Variants in WNT6 observed in about 807,000 individuals in gnomAD.
WNT6 encodes protein Wnt-6.
Under a neutral mutation model 33.1 loss-of-function variants are expected in WNT6, and 27 were observed. The observed-to-expected ratio is 0.82, with a 90% CI of 0.60 to 1.12. WNT6 has a LOEUF of 1.12. Ranked by LOEUF, WNT6 falls within the 50% of genes most tolerant of loss-of-function variation. The probability of loss-of-function intolerance (pLI) is 0.00; values close to 1 mark genes in which losing one functional copy is unlikely to be tolerated. For missense variants in WNT6, 494 were observed against 535.3 expected (o/e 0.92, Z 0.76); for synonymous variants, 249 against 242.8 (o/e 1.03, Z -0.24).
chr2:218,871,383 G>A lies in WNT6; in HGVS notation c.302-102G>A. The A allele has an allele frequency of 6.7e-7, 1 of 1,487,698 alleles. No individual in the cohort carries two copies. Among genetic ancestry groups the A allele is most frequent in the South Asian group, 1.3e-5 (1 of 79,790 alleles). The allele number at this position is 1,487,698 out of a possible 1,614,324, so 92.2% of individuals were successfully genotyped here. ...TGTCTGGGCACCCTGCAAGGACCCT[G>A]CCTCCCAGGCCCCTGGGGCAGCCCT... is the stretch of plus-strand genomic sequence containing the variant. On this transcript the variant is annotated intron_variant, in intron 2 of 3. Transcript: ENST00000233948. The surrounding 1 kb of genome is among the most constrained non-coding windows in gnomAD (Gnocchi z 6.4).
chr2:218,860,117 G>T lies in WNT6; in HGVS notation c.80G>T (p.Trp27Leu), dbSNP rs1209872593. Residue 27 changes from tryptophan (W) to leucine (L), a missense_variant and splice_region_variant, in exon 1 of 4, where the codon TGG becomes TTG. By Grantham distance (61) the Trp-to-Leu change is moderately conservative (BLOSUM62 -2). Transcript: ENST00000233948. ...CCGGCGCACGTCGGCGGACTGTGGT[G>T]GTGAGTCCGGCTGTCCTGGCGCGGC... The part of the protein sequence containing the change: ...LCPAHVGGLW[W>L]AVGSPLVMDP... 6.6e-7 allele frequency: 1 copy of T among 1,522,074 alleles called. No individual in the cohort carries two copies. The highest frequency in any genetic ancestry group is 8.8e-7 in the Non-Finnish European group (1 of 1,139,068). 94.3% of individuals were successfully genotyped at this position (1,522,074 alleles called of 1,614,324 possible).
intron 1 of WNT6, among the ~76,000 whole-genome samples, chr2:218,870,135 C>T (rs564428519): frequency 1.3e-5 from 2 of 151,742 alleles, no homozygotes; most frequent in South Asian, 4.2e-4. Context: ...GCATGAGAAT[C>T]GCTTGAACCT....
intron 1 of WNT6, among the ~76,000 whole-genome samples, chr2:218,866,424 T>A (rs958924490): frequency 6.6e-6 from 1 of 152,056 alleles, no homozygotes; most frequent in South Asian, 2.1e-4. Context: ...GACACAGGGA[T>A]CCAGGCTGAG....
chr2:218,870,246 G>A (rs1452120339), intron 1 of WNT6, among the ~76,000 whole-genome samples: 2 of 149,242 alleles, frequency 1.3e-5, no homozygotes, highest in Non-Finnish European at 3.0e-5. Context: ...AAAAAAGAAC[G>A]AAAACCACAG....
chr2:218,866,039 C>T (rs1304359779), intron 1 of WNT6, among the ~76,000 whole-genome samples: 2 of 151,572 alleles, frequency 1.3e-5, no homozygotes, highest in African/African-American at 2.4e-5. Context: ...CAGTAATTAC[C>T]GAGTTAGACA....
chr2:218,862,227 T>C (rs910996681), intron 1 of WNT6, among the ~76,000 whole-genome samples: 37 of 152,286 alleles, frequency 2.4e-4, no homozygotes, highest in South Asian at 8.3e-4. Flanking sequence ...GTCCCAGTGA[T>C]AACGTGTCTG....
intron 3 of WNT6, among the ~76,000 whole-genome samples, chr2:218,872,122 G>A (rs1944408053): frequency 6.6e-6 from 1 of 152,142 alleles, no homozygotes; most frequent in Non-Finnish European, 1.5e-5. Context: ...GTGACCCCAG[G>A]CAGAGAGGGC....
chr2:218,865,172 C>T (rs961774931), intron 1 of WNT6, among the ~76,000 whole-genome samples: 7 of 152,228 alleles, frequency 4.6e-5, no homozygotes, highest in South Asian at 2.1e-4. Flanking sequence ...GCCCAGCAAG[C>T]GGGGGTTCCA....
chr2:218,860,515 G>A (rs1200850743), intron 1 of WNT6, among the ~76,000 whole-genome samples: 2 of 152,302 alleles, frequency 1.3e-5, no homozygotes, highest in South Asian at 2.1e-4. Context: ...GGGCCACACA[G>A]CTGCCCCTTC....
chr2:218,873,755 C>A lies in WNT6; in HGVS notation c.1008C>A (p.Leu336=). The A allele has an allele frequency of 6.3e-7, 1 of 1,584,730 alleles. No individual in the cohort carries two copies. ...GGCACCGCCAGGAGAGCGTGCAGCT[C>A]GAAGAGAACTGCCTGTGCCGCTTCC... is the stretch of plus-strand genomic sequence containing the variant. ...GRGHRQESVQ[L]EENCLCRFHW... Residue 336 remains leucine, a synonymous_variant, in exon 4 of 4, where the codon CTC becomes CTA. Coordinates refer to ENST00000233948, the MANE Select transcript of WNT6 (RefSeq NM_006522.4). This position sits in a 1 kb window ranked among gnomAD's most constrained non-coding sequence, Gnocchi z 6.1.
At position 218,871,706 on chromosome 2, in the gene WNT6, G is replaced by C. The variant is rs770932846; in HGVS notation, c.523G>C (p.Asp175His). The change falls in exon 3 of 4, where the codon GAC (aspartate) becomes CAC (histidine). Residue 175 changes from aspartate (D) to histidine (H), a missense_variant. Transcript: ENST00000233948. This position sits in a 1 kb window ranked among gnomAD's most constrained non-coding sequence, Gnocchi z 6.4. Reference sequence around the variant, plus strand: ...CTGGGAGTGGGGAGGCTGCGGCGACGACGTGGACTTCGGGGACGAGAAGTC... The same window carrying C: ...CTGGGAGTGGGGAGGCTGCGGCGACCACGTGGACTTCGGGGACGAGAAGTC... The part of the protein sequence containing the change: ...AAWEWGGCGD[D>H]VDFGDEKSRL... 1.9e-6 allele frequency: 3 copies of C among 1,586,854 alleles called. No individual in the cohort carries two copies. The South Asian group carries it at 3.4e-5, about 18-fold the overall frequency.
Position 218,871,313 on chromosome 2 carries a change from A to C in WNT6, c.301+66A>C. 6.5e-7 allele frequency: 1 copy of C among 1,547,850 alleles called. No homozygotes were observed. Among genetic ancestry groups the C allele is most frequent in the South Asian group, 1.2e-5 (1 of 82,352 alleles). ...CTGCTGTGGGACCCGAGGAGAGGAG[A>C]ACTGGTTCGCTGAAGTTGCCTGAGC... On this transcript the variant is annotated intron_variant, in intron 2 of 3. Coordinates refer to ENST00000233948, the MANE Select transcript of WNT6 (RefSeq NM_006522.4). The surrounding 1 kb of genome is among the most constrained non-coding windows in gnomAD (Gnocchi z 6.4).
chr2:218,871,924 G>A lies in WNT6; in HGVS notation c.636+105G>A, dbSNP rs1418624100. ...GGAGTGAGGGTGTGTAGGTGGAGGG[G>A]GGCGTTAATGTGTGGGGGAGTGCGC... On this transcript the variant is annotated intron_variant, in intron 3 of 3. Coordinates refer to ENST00000233948, the MANE Select transcript of WNT6 (RefSeq NM_006522.4). This position sits in a 1 kb window ranked among gnomAD's most constrained non-coding sequence, Gnocchi z 6.4. 2.1e-6 allele frequency: 1 copy of A among 470,354 alleles called. No individual in the cohort carries two copies. Among genetic ancestry groups the A allele is most frequent in the East Asian group, 9.5e-5 (1 of 10,472 alleles). The allele number at this position is 470,354 out of a possible 1,614,324, so 29.1% of individuals were successfully genotyped here.
chr2:218,871,214 C>T lies in WNT6; in HGVS notation c.268C>T (p.His90Tyr). The change falls in exon 2 of 4, where the codon CAC (histidine) becomes TAC (tyrosine). Residue 90 changes from histidine to tyrosine, a missense_variant. Physicochemically the swap from His to Tyr is moderately conservative, Grantham distance 83 (BLOSUM62 2). Coordinates refer to ENST00000233948, the MANE Select transcript of WNT6 (RefSeq NM_006522.4). This position sits in a 1 kb window ranked among gnomAD's most constrained non-coding sequence, Gnocchi z 6.4. ...FRFRRWNCSSHSKAFGRILQQ... is the reference protein window; with the variant it reads ...FRFRRWNCSSYSKAFGRILQQ... ...CTTCCGCCGCTGGAATTGCTCCAGC[C>T]ACAGCAAGGCCTTTGGACGCATCCT... 1 of 1,613,374 alleles carries T rather than the reference C, an allele frequency of 6.2e-7. No individual in the cohort carries two copies. The highest frequency in any genetic ancestry group is 8.5e-7 in the Non-Finnish European group (1 of 1,179,706).
At chr2:218,868,666 T>A (rs141965720) in intron 1 of WNT6, among the ~76,000 whole-genome samples, 75 of 152,274 alleles carry the variant, frequency 4.9e-4, no homozygotes, top group African/African-American at 1.7e-3. Context: ...GGGCCTGGGC[T>A]CAAGTGAGAA....
chr2:218,866,779 A>T (rs1369888156), intron 1 of WNT6, among the ~76,000 whole-genome samples: 1 of 152,242 alleles, frequency 6.6e-6, no homozygotes, highest in Non-Finnish European at 1.5e-5. Flanking sequence ...TCCAAACTCA[A>T]GTCTGGTGGA....
In WNT6 at chr2:218,871,086, T is replaced by C; in HGVS notation, c.140T>C (p.Leu47Pro). 5 of 1,613,434 alleles carry C rather than the reference T, an allele frequency of 3.1e-6. No individual in the cohort carries two copies. Among genetic ancestry groups the C allele is most frequent in the Non-Finnish European group, 4.2e-6 (5 of 1,179,796 alleles). The change falls in exon 2 of 4, where the codon CTG (leucine) becomes CCG (proline). Residue 47 changes from leucine (L) to proline (P), a missense_variant. By Grantham distance (98) the Leu-to-Pro change is moderately conservative (BLOSUM62 -3). Transcript: ENST00000233948. This position sits in a 1 kb window ranked among gnomAD's most constrained non-coding sequence, Gnocchi z 6.4. ...PTSICRKARR[L>P]AGRQAELCQA... ...AGCATCTGCAGGAAGGCACGGCGGC[T>C]GGCCGGGCGGCAGGCCGAGTTGTGC... is the stretch of plus-strand genomic sequence containing the variant.
rs1024074071 is a variant in WNT6, at chr2:218,873,974, G to T, written c.*129G>T. On this transcript the variant is annotated 3_prime_UTR_variant, in exon 4 of 4. Coordinates refer to ENST00000233948, the MANE Select transcript of WNT6 (RefSeq NM_006522.4). The surrounding 1 kb of genome is among the most constrained non-coding windows in gnomAD (Gnocchi z 6.1). ...TCCCTGCCAAAGCCCAACTCCCAGG[G>T]CTCTGGAAATGGTGAGGCGAGGGGC... 2.9e-6 allele frequency: 3 copies of T among 1,052,408 alleles called. No individual in the cohort carries two copies. In the East Asian group the frequency reaches 9.1e-5, roughly 32 times the overall value. 65.2% of individuals were successfully genotyped at this position (1,052,408 alleles called of 1,614,324 possible). A position where few individuals can be genotyped will look rare whatever the true frequency, so the allele number is the denominator to read the frequency against.
chr2:218,868,490 G>A (rs1445891675), intron 1 of WNT6, among the ~76,000 whole-genome samples: 1 of 152,168 alleles, frequency 6.6e-6, no homozygotes, highest in African/African-American at 2.4e-5. Context: ...TAAGGGAAGT[G>A]GGGGTGGGGA....
Sources: gnomAD v4.1 joint callset for allele counts (sites outside exome capture counted in the v4.1 genomes callset) on GRCh38, gnomAD v4.1.1 for gene constraint, Gnocchi (gnomAD v3.1) non-coding constraint, MANE v1.5 for transcripts, NCBI Gene and HGNC (gene_info 2026-07-23, HGNC 2026-07-21) for gene names.